Variants in NELL2 observed in about 807,000 individuals in gnomAD.
NELL2 encodes the protein protein kinase C-binding protein NELL2.
A neutral mutation model predicts 109.6 loss-of-function variants in NELL2; 41 were observed. The observed-to-expected ratio is 0.37, with a 90% confidence interval of 0.29 to 0.49. The LOEUF (loss-of-function observed/expected upper bound fraction) is 0.49, where lower values mean the gene tolerates loss of function less well. Among genes scored for constraint, NELL2 ranks in the 20% least tolerant of loss-of-function variants. The pLI is 0.98. For synonymous variants in NELL2, 355 were observed against 344.7 expected (o/e 1.03, Z -0.33); for missense variants, 900 against 1,008.3 (o/e 0.89, Z 1.45).
chr12:44,593,712 T>C (rs1018308167), intron 15 of NELL2, among the ~76,000 whole-genome samples: 1 of 152,168 alleles, frequency 6.6e-6, no homozygotes, highest in Non-Finnish European at 1.5e-5. Context: ...TACACTCCCA[T>C]CAACAGTGTA....
intron 9 of NELL2, among the ~76,000 whole-genome samples, chr12:44,743,035 T>G (rs1295428241): frequency 6.6e-6 from 1 of 152,010 alleles, no homozygotes; most frequent in African/African-American, 2.4e-5. Flanking sequence ...GAAAAAATGT[T>G]AAGGGCAGCC....
chr12:44,586,393 A>T (rs549604192), intron 15 of NELL2, among the ~76,000 whole-genome samples: 240 of 151,378 alleles, frequency 1.6e-3, no homozygotes, highest in African/African-American at 5.6e-3. Flanking sequence ...TAAATACATG[A>T]GTCTTAAAAT....
chr12:44,577,899 G>C (rs916448031), intron 15 of NELL2, among the ~76,000 whole-genome samples: 1 of 152,004 alleles, frequency 6.6e-6, no homozygotes, highest in African/African-American at 2.4e-5. Context: ...TTGCATTTTT[G>C]AATTCTGCCT....
intron 2 of NELL2, among the ~76,000 whole-genome samples, chr12:44,835,807 C>T (rs1324517974): frequency 1.3e-5 from 2 of 152,172 alleles, no homozygotes; most frequent in Admixed American, 6.5e-5. Context: ...CAAGATGAGA[C>T]AGAGGGATGC....
chr12:44,829,487 T>C (rs1943818680), intron 2 of NELL2, among the ~76,000 whole-genome samples: 1 of 152,198 alleles, frequency 6.6e-6, no homozygotes, highest in African/African-American at 2.4e-5. Flanking sequence ...CCAAGAATCA[T>C]TAAATTCATG....
chr12:44,680,972 C>T (rs1517205), intron 12 of NELL2, among the ~76,000 whole-genome samples: 19,316 of 152,028 alleles, frequency 0.13, 1,454 homozygotes, highest in East Asian at 0.21. Flanking sequence ...GATGTCAGCA[C>T]TATTTAATCA....
chr12:44,557,500 G>A (rs1425325599), intron 15 of NELL2, among the ~76,000 whole-genome samples: 2 of 152,114 alleles, frequency 1.3e-5, no homozygotes, highest in East Asian at 3.9e-4. Flanking sequence ...TTGCCAAGAG[G>A]ATCAATGCAG....
At chr12:44,896,797 C>A (rs1945598440) in intron 1 of NELL2, among the ~76,000 whole-genome samples, 1 of 152,074 alleles carries the variant, frequency 6.6e-6, no homozygotes, top group African/African-American at 2.4e-5. Context: ...ACACCAGAAG[C>A]AAAAGTTTTC....
chr12:44,724,030 T>C (rs542363791), intron 9 of NELL2, among the ~76,000 whole-genome samples: 1 of 151,720 alleles, frequency 6.6e-6, no homozygotes, highest in Non-Finnish European at 1.5e-5. Flanking sequence ...GAAAATGTAG[T>C]ATATATATAC....
chr12:44,713,243 GAC>G (rs1938315349), intron 10 of NELL2, among the ~76,000 whole-genome samples: 5 of 150,612 alleles, frequency 3.3e-5, no homozygotes, highest in African/African-American at 4.9e-5. Context: ...GAGAGAGAGA[GAC>G]AGAGAGAGAG....
chr12:44,515,343 A>G (rs1328086683), intron 19 of NELL2, among the ~76,000 whole-genome samples: 1 of 151,978 alleles, frequency 6.6e-6, no homozygotes, highest in Non-Finnish European at 1.5e-5. Flanking sequence ...CAAGTCAAGA[A>G]GCCTTGCTAG....
chr12:44,746,424 C>A (rs1354197678), intron 9 of NELL2, among the ~76,000 whole-genome samples: 8 of 152,126 alleles, frequency 5.3e-5, no homozygotes, highest in African/African-American at 9.7e-5. Context: ...AAAGCAATGG[C>A]AACAAAAGAC....
At chr12:44,822,108 G>A (rs1239839508) in intron 2 of NELL2, among the ~76,000 whole-genome samples, 1 of 151,940 alleles carries the variant, frequency 6.6e-6, no homozygotes, top group Non-Finnish European at 1.5e-5. Context: ...TTTCAACAAG[G>A]AATCCTGCTA....
chr12:44,566,733 T>C (rs1317122195), intron 15 of NELL2, among the ~76,000 whole-genome samples: 1 of 152,218 alleles, frequency 6.6e-6, no homozygotes, highest in East Asian at 1.9e-4. Flanking sequence ...AGTTTCATCA[T>C]CTATACAAAC....
chr12:44,783,042 G>C (rs748659241), intron 3 of NELL2, among the ~76,000 whole-genome samples: 2 of 151,802 alleles, frequency 1.3e-5, no homozygotes, highest in Non-Finnish European at 2.9e-5. Context: ...AAATCACTTA[G>C]AGTATGCTTT....
chr12:44,662,527 C>G (rs1947781965), intron 13 of NELL2, among the ~76,000 whole-genome samples: 2 of 152,092 alleles, frequency 1.3e-5, no homozygotes, highest in Non-Finnish European at 2.9e-5. Context: ...AGGGATTTAA[C>G]CAGATTATCT....
chr12:44,620,564 T>C (rs1021836314), intron 13 of NELL2, among the ~76,000 whole-genome samples: 2 of 152,064 alleles, frequency 1.3e-5, no homozygotes, highest in Non-Finnish European at 2.9e-5. Flanking sequence ...ATTCAGGTCA[T>C]CAGGAGAGAA....
At chr12:44,920,012 G>A (rs1207035620) in intron 1 of NELL2, among the ~76,000 whole-genome samples, 1 of 152,100 alleles carries the variant, frequency 6.6e-6, no homozygotes, top group Non-Finnish European at 1.5e-5. Context: ...AAATGATTCT[G>A]GAAATAAAGT....
intron 15 of NELL2, among the ~76,000 whole-genome samples, chr12:44,595,572 G>A (rs990802480): frequency 1.3e-5 from 2 of 150,154 alleles, no homozygotes; most frequent in Non-Finnish European, 3.0e-5. Flanking sequence ...GACTACAGGC[G>A]CCTGCCACCA....
Sources: gnomAD v4.1 joint callset for allele counts (sites outside exome capture counted in the v4.1 genomes callset) on GRCh38, gnomAD v4.1.1 for gene constraint, MANE v1.5 for transcripts, NCBI Gene and HGNC (gene_info 2026-07-23, HGNC 2026-07-21) for gene names.